The following ARID2 variants were observed in gnomAD, a reference collection of about 807,000 sequenced individuals.
The protein encoded by ARID2 is AT-rich interactive domain-containing protein 2.
Under a neutral mutation model 184.6 loss-of-function variants are expected in ARID2, and 32 were observed. The ratio of observed to expected loss-of-function variants is 0.17; its 90% CI spans 0.13 to 0.23. The LOEUF (loss-of-function observed/expected upper bound fraction) is 0.23, where lower values mean the gene tolerates loss of function less well. Among genes scored for constraint, ARID2 ranks in the 10% least tolerant of loss-of-function variants. The pLI, the probability that ARID2 is intolerant of heterozygous loss-of-function variation, is 1.00. For synonymous variants in ARID2, 836 were observed against 772.6 expected (o/e 1.08, Z -1.36); for missense variants, 1,696 against 2,197.6 (o/e 0.77, Z 4.56).
In ARID2 at chr12:45,817,669, G is replaced by T. The variant is rs1346120756; in HGVS notation, c.419-1G>T. On this transcript the variant is annotated splice_acceptor_variant, in intron 4 of 20. Transcript: ENST00000334344. LOFTEE classifies it high-confidence loss of function. ...CTTAAGGTATTTTTTTTCTTTGTTA[G>T]ATTATCTGCGTCAAAGTTATGGGCT... 3 of 1,597,514 alleles carry T rather than the reference G, an allele frequency of 1.9e-6. No homozygotes were observed. Among genetic ancestry groups the T allele is most frequent in the Admixed American group, 1.7e-5 (1 of 57,410 alleles).
chr12:45,863,360 A>G (rs955975728), intron 16 of ARID2, among the ~76,000 whole-genome samples: 4 of 152,236 alleles, frequency 2.6e-5, no homozygotes, highest in Admixed American at 2.6e-4. Flanking sequence ...GTAGGAACAT[A>G]TATATGATAG....
At chr12:45,783,119 G>A (rs1942128722) in intron 3 of ARID2, among the ~76,000 whole-genome samples, 1 of 151,176 alleles carries the variant, frequency 6.6e-6, no homozygotes, top group African/African-American at 2.4e-5. Flanking sequence ...GGATGACAGA[G>A]TAAGACTCTG....
At chr12:45,893,219 C>CT (rs757320301) in intron 18 of ARID2, among the ~76,000 whole-genome samples, 1 of 152,314 alleles carries the variant, frequency 6.6e-6, no homozygotes, top group African/African-American at 2.4e-5. Context: ...AGACTTGAAA[C>CT]TTTACCTTGA....
In ARID2 at chr12:45,867,615, C is replaced by T. The variant is rs1051526954; in HGVS notation, c.4922+6666C>T. On this transcript the variant is annotated intron_variant, in intron 16 of 20. Coordinates refer to ENST00000334344, the MANE Select transcript of ARID2 (RefSeq NM_152641.4). ...AAAATTAGCCGGGCATGGTGGCGGGCGCCTGTAGTCCCAGCTACTCGGGAG... is the reference window on the plus strand; with the variant it reads ...AAAATTAGCCGGGCATGGTGGCGGGTGCCTGTAGTCCCAGCTACTCGGGAG... 5.9e-5 allele frequency among the ~76,000 whole-genome samples: 9 copies of T among 151,422 alleles called. No individual in the cohort carries two copies. The South Asian group carries it at 6.3e-4, about 11-fold the overall frequency.
At chr12:45,901,117 T>C in intron 20 of ARID2, among the ~76,000 whole-genome samples, 1 of 151,196 alleles carries the variant, frequency 6.6e-6, no homozygotes, top group South Asian at 2.1e-4. Context: ...GCTTTCTGTT[T>C]TCTCTCTGTT....
chr12:45,796,662 T>A (rs1942398219), intron 3 of ARID2, among the ~76,000 whole-genome samples: 1 of 152,122 alleles, frequency 6.6e-6, no homozygotes, highest in Non-Finnish European at 1.5e-5. Flanking sequence ...TACAGGCACA[T>A]GCCACCATGC....
At position 45,873,745 on chromosome 12, in the gene ARID2, AG is replaced by A. The variant is rs1315749787; in HGVS notation, c.4922+12798del. Among the ~76,000 whole-genome samples, 12 of 152,354 alleles carry A rather than the reference AG, an allele frequency of 7.9e-5. No homozygotes were observed. The East Asian group carries it at 2.3e-3, about 29-fold the overall frequency. On this transcript the variant is annotated intron_variant, in intron 16 of 20. Coordinates refer to ENST00000334344, the MANE Select transcript of ARID2 (RefSeq NM_152641.4). Reference sequence around the variant, plus strand: ...CAATAACATTTTGTCTAAAATAAAAAGGTACATACCTTAATTAAAAATGCTT... The same window carrying A: ...CAATAACATTTTGTCTAAAATAAAAAGTACATACCTTAATTAAAAATGCTT...
At chr12:45,745,683 G>A (rs558806874) in intron 3 of ARID2, among the ~76,000 whole-genome samples, 151 of 152,228 alleles carry the variant, frequency 9.9e-4, no homozygotes, top group African/African-American at 3.5e-3. Context: ...GAGTAGGTGG[G>A]ACTACAGGCA....
chr12:45,896,940 G>A (rs766937510), intron 20 of ARID2, among the ~76,000 whole-genome samples: 2 of 152,118 alleles, frequency 1.3e-5, no homozygotes, highest in East Asian at 3.8e-4. Flanking sequence ...AGAAAAATTC[G>A]TACTAGAATT....
chr12:45,797,899 T>C (rs1942419927), intron 3 of ARID2, among the ~76,000 whole-genome samples: 1 of 151,944 alleles, frequency 6.6e-6, no homozygotes, highest in African/African-American at 2.4e-5. Flanking sequence ...TTGATCTTTT[T>C]ATTGAAAAGT....
intron 3 of ARID2, among the ~76,000 whole-genome samples, chr12:45,777,749 G>A (rs1023443273): frequency 6.7e-6 from 1 of 149,602 alleles, no homozygotes; most frequent in Non-Finnish European, 1.5e-5. Flanking sequence ...TAGATTATAG[G>A]GACTAAGTAC....
intron 3 of ARID2, among the ~76,000 whole-genome samples, chr12:45,732,385 A>C (rs1592041616): frequency 1.3e-5 from 2 of 152,272 alleles, no homozygotes; most frequent in South Asian, 4.1e-4. Flanking sequence ...TCTATTGGCT[A>C]TCTTAGATTG....
chr12:45,894,204 A>T (rs1402791330), intron 20 of ARID2, among the ~76,000 whole-genome samples: 1 of 152,238 alleles, frequency 6.6e-6, no homozygotes, highest in Non-Finnish European at 1.5e-5. Context: ...GATTTTGTAG[A>T]TCTACAGAAA....
chr12:45,799,971 C>A (rs1254396257), intron 3 of ARID2, among the ~76,000 whole-genome samples: 2 of 152,176 alleles, frequency 1.3e-5, no homozygotes, highest in East Asian at 3.9e-4. Context: ...CACCTTAGCC[C>A]TCCGAGTAGC....
chr12:45,845,401 A>G (rs913485022), intron 11 of ARID2, among the ~76,000 whole-genome samples: 3 of 152,176 alleles, frequency 2.0e-5, no homozygotes, highest in Non-Finnish European at 4.4e-5. Flanking sequence ...CAAGGAGCAT[A>G]TAATAGTATG....
intron 3 of ARID2, among the ~76,000 whole-genome samples, chr12:45,735,421 G>A (rs1248575807): frequency 6.7e-5 from 5 of 74,988 alleles, no homozygotes; most frequent in Non-Finnish European, 2.9e-5. Flanking sequence ...ACTGTATCGT[G>A]TGTGTGTGTG....
chr12:45,822,162 C>A (rs1942910819), intron 6 of ARID2, among the ~76,000 whole-genome samples: 2 of 152,072 alleles, frequency 1.3e-5, no homozygotes, highest in South Asian at 4.1e-4. Flanking sequence ...ATTCTTGCTG[C>A]AACTTCAGCT....
rs753431962 is a variant in ARID2 at position 45,852,456 on chromosome 12, A to G, written c.4333A>G (p.Thr1445Ala). 1 of 1,614,198 alleles carries G rather than the reference A, an allele frequency of 6.2e-7. No homozygotes were observed. The change falls in exon 15 of 21, where the codon ACT becomes GCT. Residue 1445 changes from threonine to alanine, a missense_variant. Transcript: ENST00000334344. ...SNAATQQFSG[T>A]DLLNGPLASS... ...TGCGGCAACACAGCAATTTAGTGGT[A>G]CTGATTTGCTTAATGGACCTCTAGC... is the stretch of plus-strand genomic sequence containing the variant.
chr12:45,819,944 A>T (rs1428658516), intron 5 of ARID2, among the ~76,000 whole-genome samples: 1 of 151,854 alleles, frequency 6.6e-6, no homozygotes, highest in African/African-American at 2.4e-5. Context: ...GGGTTTCCTC[A>T]TGTTGGCCAG....
Sources: allele counts gnomAD v4.1 joint callset (sites outside exome capture counted in the v4.1 genomes callset), GRCh38; gene constraint gnomAD v4.1.1; transcripts MANE v1.5; gene names NCBI Gene and HGNC (gene_info 2026-07-23, HGNC 2026-07-21).